The following MAD1L1 variants were observed in gnomAD, a reference collection of about 807,000 sequenced individuals.
MAD1L1 encodes the protein mitotic spindle assembly checkpoint protein MAD1.
In MAD1L1, 95 loss-of-function variants were observed where a neutral mutation model predicts 96.9. The observed-to-expected ratio is 0.98, with a 90% CI of 0.83 to 1.16. The LOEUF (loss-of-function observed/expected upper bound fraction) is 1.16, where lower values mean the gene tolerates loss of function less well. Ranked by LOEUF, MAD1L1 falls within the 50% of genes most tolerant of loss-of-function variation. MAD1L1 has a pLI of 0.00. For missense variants in MAD1L1, 1,007 were observed against 954.4 expected (o/e 1.06, Z -0.73); for synonymous variants, 473 against 396.6 (o/e 1.19, Z -2.29).
In MAD1L1 at chr7:1,987,459, G is replaced by A. The variant is rs112778392; in HGVS notation, c.1417-6918C>T. On this transcript the variant is annotated intron_variant, in intron 14 of 18. Coordinates refer to ENST00000265854, the MANE Select transcript of MAD1L1 (RefSeq NM_001013836.2). ...CGGGTCTAAGTATCCCGGATGAAGC[G>A]AAGAGAGCCGCCCATGCTGAGCACA... is the stretch of plus-strand genomic sequence containing the variant. Among the ~76,000 whole-genome samples the A allele has an allele frequency of 4.0e-3, 604 of 152,324 alleles. 3 individuals are homozygous for A. Among genetic ancestry groups the A allele is most frequent in the African/African-American group, 0.013 (555 of 41,564 alleles).
At chr7:1,999,753 C>T (rs890073994) in intron 14 of MAD1L1, among the ~76,000 whole-genome samples, 1 of 152,234 alleles carries the variant, frequency 6.6e-6, no homozygotes, top group Admixed American at 6.5e-5. Flanking sequence ...CCTCCCGGCT[C>T]CAGGCCCAGC....
At position 2,058,519 on chromosome 7, in the gene MAD1L1, G is replaced by A. The variant is rs1168344733; in HGVS notation, c.1218+10675C>T. Among the ~76,000 whole-genome samples, 190 of 86,398 alleles carry A rather than the reference G, an allele frequency of 2.2e-3. 4 individuals carry two copies. The highest frequency in any genetic ancestry group is 5.9e-3 in the South Asian group (8 of 1,354). 56.7% of individuals were successfully genotyped at this position (86,398 alleles called of 152,430 possible). A position where few individuals can be genotyped will look rare whatever the true frequency, so the allele number is the denominator to read the frequency against. ...GAGAGGGAGTGTGGCCAGAGGAGAG[G>A]AGAGGCGCAGGGCTGGAGAGGGAGT... On this transcript the variant is annotated intron_variant, in intron 12 of 18. Transcript: ENST00000265854.
chr7:2,177,268 G>A (rs750395959), intron 10 of MAD1L1, among the ~76,000 whole-genome samples: 5 of 152,144 alleles, frequency 3.3e-5, no homozygotes, highest in Non-Finnish European at 7.4e-5. Flanking sequence ...TTTGAATCTG[G>A]CACTTTCTAG....
chr7:2,014,685 A>G, intron 12 of MAD1L1, 43 bp from the exon 13 acceptor site: 1 of 1,548,184 alleles, frequency 6.5e-7, no homozygotes, highest in South Asian at 1.2e-5. Context: ...GGGACGGGGG[A>G]TGAGGTAATG....
intron 17 of MAD1L1, among the ~76,000 whole-genome samples, chr7:1,900,706 G>GT (rs1787190864): frequency 6.6e-6 from 1 of 152,184 alleles, no homozygotes; most frequent in Non-Finnish European, 1.5e-5. Context: ...AACATGGCCC[G>GT]TGCTGCCTTT....
At chr7:1,920,650 C>T (rs1435205280) in intron 17 of MAD1L1, among the ~76,000 whole-genome samples, 3 of 152,098 alleles carry the variant, frequency 2.0e-5, no homozygotes, top group East Asian at 3.9e-4. Context: ...CGAGTGGGGG[C>T]GGACTACAGT....
chr7:2,231,035 A>G (rs1179682392), intron 1 of MAD1L1, among the ~76,000 whole-genome samples: 1 of 152,194 alleles, frequency 6.6e-6, no homozygotes, highest in Non-Finnish European at 1.5e-5. Flanking sequence ...CCTCTTGCCC[A>G]GGCAGGGTGG....
intron 16 of MAD1L1, among the ~76,000 whole-genome samples, chr7:1,955,986 G>A (rs561646564): frequency 7.1e-6 from 1 of 140,234 alleles, no homozygotes; most frequent in Non-Finnish European, 1.6e-5. Flanking sequence ...TAAGGTGGGT[G>A]GGGGGGTGGG....
chr7:2,102,922 C>CCT (rs1158056734), intron 11 of MAD1L1, among the ~76,000 whole-genome samples: 1 of 152,232 alleles, frequency 6.6e-6, no homozygotes, highest in Non-Finnish European at 1.5e-5. Flanking sequence ...CTAAAGCGGG[C>CCT]CTCTCCTCAG....
At chr7:2,013,152 G>A (rs1352243201) in intron 13 of MAD1L1, among the ~76,000 whole-genome samples, 1 of 152,264 alleles carries the variant, frequency 6.6e-6, no homozygotes, top group Non-Finnish European at 1.5e-5. Flanking sequence ...AGCCTGCTGT[G>A]TGTGCTCAGC....
At chr7:2,019,408 C>G (rs531858773) in intron 12 of MAD1L1, among the ~76,000 whole-genome samples, 1 of 152,206 alleles carries the variant, frequency 6.6e-6, no homozygotes, top group Non-Finnish European at 1.5e-5. Context: ...GGAGGACCCA[C>G]GCGGGTCAGA....
intron 10 of MAD1L1, among the ~76,000 whole-genome samples, chr7:2,153,286 G>A (rs149178451): frequency 2.7e-4 from 41 of 152,074 alleles, no homozygotes; most frequent in East Asian, 2.3e-3. Context: ...TCAACTCTTC[G>A]GCCAATAAGG....
chr7:2,082,994 G>T (rs754194391), intron 11 of MAD1L1, among the ~76,000 whole-genome samples: 6 of 152,308 alleles, frequency 3.9e-5, no homozygotes, highest in Non-Finnish European at 7.3e-5. Flanking sequence ...GCTGCAGGGA[G>T]AGCTCCCCTG....
At position 2,126,362 on chromosome 7, in the gene MAD1L1, C is replaced by T. The variant is rs148970988; in HGVS notation, c.1073+22790G>A. On this transcript the variant is annotated intron_variant, in intron 11 of 18. Coordinates refer to ENST00000265854, the MANE Select transcript of MAD1L1 (RefSeq NM_001013836.2). ...TCCATTTTCAATAAACACACAGGCA[C>T]TCGGGCATGCACAGAAAGGGCAGAA... 5.3e-3 allele frequency among the ~76,000 whole-genome samples: 808 copies of T among 152,284 alleles called. 7 individuals carry two copies. The highest frequency in any genetic ancestry group is 0.019 in the African/African-American group (772 of 41,552).
At chr7:1,949,141 G>T (rs1779370533) in intron 16 of MAD1L1, among the ~76,000 whole-genome samples, 1 of 151,698 alleles carries the variant, frequency 6.6e-6, no homozygotes, top group South Asian at 2.1e-4. Flanking sequence ...GAGGGGCCCG[G>T]GGCACGGCCC....
intron 16 of MAD1L1, among the ~76,000 whole-genome samples, chr7:1,956,337 TC>T (rs1010890795): frequency 1.3e-5 from 2 of 152,130 alleles, no homozygotes; most frequent in Admixed American, 6.5e-5. Flanking sequence ...CCCAGTGGCC[TC>T]CCCGCTTCAC....
chr7:2,000,616 C>T (rs1386572796), intron 14 of MAD1L1, among the ~76,000 whole-genome samples: 1 of 152,214 alleles, frequency 6.6e-6, no homozygotes, highest in Non-Finnish European at 1.5e-5. Context: ...GCGGCTCCTC[C>T]ATTCGCCACC....
chr7:1,926,193 A>C (rs112724927), intron 17 of MAD1L1, among the ~76,000 whole-genome samples: 150 of 152,330 alleles, frequency 9.8e-4, no homozygotes, highest in Admixed American at 3.2e-3. Context: ...AAAAAACCCC[A>C]AAACCTACAT....
intron 13 of MAD1L1, among the ~76,000 whole-genome samples, chr7:2,013,564 G>A (rs1247576497): frequency 6.6e-6 from 1 of 152,272 alleles, no homozygotes; most frequent in African/African-American, 2.4e-5. Context: ...AGGATACGGT[G>A]ACAATGAGAC....
Sources: allele counts gnomAD v4.1 joint callset (sites outside exome capture counted in the v4.1 genomes callset), GRCh38; gene constraint gnomAD v4.1.1; transcripts MANE v1.5; gene names NCBI Gene and HGNC (gene_info 2026-07-23, HGNC 2026-07-21).